Variants in WNT5A observed in about 807,000 individuals in gnomAD.
WNT5A encodes protein Wnt-5a.
Under a neutral mutation model 42.1 loss-of-function variants are expected in WNT5A, and 9 were observed. The ratio of observed to expected loss-of-function variants is 0.21; its 90% confidence interval spans 0.13 to 0.37. The LOEUF (loss-of-function observed/expected upper bound fraction) is 0.37, where lower values mean the gene tolerates loss of function less well. WNT5A is among the 10% of genes least tolerant of loss of function. WNT5A has a pLI of 1.00. For missense variants in WNT5A, 426 were observed against 534.0 expected, an observed-to-expected ratio of 0.80 and a Z score of 1.99; for synonymous variants, 210 against 210.0, an observed-to-expected ratio of 1.00 and a Z score of 0.00.
At chr3:55,496,519 C>T in the WNT5A span, among the ~76,000 whole-genome samples, 1 of 152,180 alleles carries the variant, frequency 6.6e-6, no homozygotes, top group African/African-American at 2.4e-5. Flanking sequence ...CCTATTCCGG[C>T]AGGTACATGT....
chr3:55,465,965 G>A lies in WNT5A; in HGVS notation c.*4127C>T, dbSNP rs886058732. Reference sequence around the variant, plus strand: ...ATTCTACATCCATTTTTTAAAGTTAGCTAACAAGATGATGTTTCACTAAAA... The same window carrying A: ...ATTCTACATCCATTTTTTAAAGTTAACTAACAAGATGATGTTTCACTAAAA... On this transcript the variant is annotated 3_prime_UTR_variant, in exon 5 of 5. Transcript: ENST00000264634. The A allele has an allele frequency of 3.3e-5, 5 of 151,578 alleles. No individual in the cohort carries two copies. The highest frequency in any genetic ancestry group is 7.4e-5 in the Non-Finnish European group (5 of 67,942). The allele number at this position is 151,578 out of a possible 1,614,324, so 9.4% of individuals were successfully genotyped here.
chr3:55,502,633 T>G, the WNT5A span, among the ~76,000 whole-genome samples: 6 of 152,236 alleles, frequency 3.9e-5, no homozygotes, highest in Admixed American at 3.9e-4. Flanking sequence ...GATATTTTCA[T>G]AGAACCCATT....
At chr3:55,498,096 C>T in the WNT5A span, among the ~76,000 whole-genome samples, 134 of 152,304 alleles carry the variant, frequency 8.8e-4, 2 homozygotes, top group South Asian at 0.027. Context: ...CTTCTTTCTA[C>T]TTGTTTTGTT....
At chr3:55,489,250 T>C (rs1227709407), upstream of WNT5A, 1 of 151,936 alleles carries the variant, frequency 6.6e-6, no homozygotes, top group Non-Finnish European at 1.5e-5. Flanking sequence ...TTTTCCGCCG[T>C]CTGCATTCTC....
intron 4 of WNT5A, 84 bp downstream of exon 4, chr3:55,474,253 G>A: frequency 4.5e-6 from 7 of 1,559,200 alleles, no homozygotes; most frequent in South Asian, 3.5e-5. Flanking sequence ...AGGAGAGGAC[G>A]GAGCTACAGG....
chr3:55,496,537 G>A, the WNT5A span, among the ~76,000 whole-genome samples: 1 of 152,202 alleles, frequency 6.6e-6, no homozygotes, highest in Admixed American at 6.5e-5. Flanking sequence ...TGTATCTACT[G>A]AGTATATACA....
chr3:55,471,346 C>A (rs1175853086), intron 4 of WNT5A, among the ~76,000 whole-genome samples: 1 of 152,138 alleles, frequency 6.6e-6, no homozygotes, highest in East Asian at 1.9e-4. Context: ...ACAGTCCCTA[C>A]CCCATCTACT....
chr3:55,480,896 G>T lies in WNT5A; in HGVS notation c.29C>A (p.Pro10Gln). 1.3e-6 allele frequency: 2 copies of T among 1,575,362 alleles called. No homozygotes were observed. Among genetic ancestry groups the T allele is most frequent in the Non-Finnish European group, 1.7e-6 (2 of 1,161,346 alleles). ...TCCAGCCATCCCCAAAGCAACTCCT[G>T]GGCTTAATATTCCAATGGACTTCTG... MKKSIGILS[P>Q]GVALGMAGSA... The change falls in exon 2 of 5, where the codon CCA (proline) becomes CAA (glutamine). Residue 10 changes from proline to glutamine, a missense_variant. Coordinates refer to ENST00000264634, the MANE Select transcript of WNT5A (RefSeq NM_003392.7).
At chr3:55,488,598 G>C (rs1559560965), upstream of WNT5A, among the ~76,000 whole-genome samples, 1 of 152,044 alleles carries the variant, frequency 6.6e-6, no homozygotes, top group East Asian at 1.9e-4. Context: ...TACGGGCTGG[G>C]GTGCCGGGAG....
chr3:55,478,457 A>G (rs963658070), intron 3 of WNT5A, among the ~76,000 whole-genome samples: 1 of 152,180 alleles, frequency 6.6e-6, no homozygotes, highest in Non-Finnish European at 1.5e-5. Context: ...GCTTTTTTGC[A>G]TAAAAGTAGA....
In WNT5A at chr3:55,474,613, GGCCGTCTCGCGGCT is replaced by G; in HGVS notation, c.394_407del (p.Ser132LeufsTer99). 1 of 1,436,102 alleles carries G rather than the reference GGCCGTCTCGCGGCT, an allele frequency of 7.0e-7. No homozygotes were observed. The highest frequency in any genetic ancestry group is 2.6e-5 in the East Asian group (1 of 38,308). The allele number at this position is 1,436,102 out of a possible 1,614,324, so 89.0% of individuals were successfully genotyped here. ...CTGCTGCGCTCACCGCGTATGTGAA[GGCCGTCTCGCGGCT>G]GCCTGTGGGTGAGGACAAGGGATCA... On this transcript the variant is annotated frameshift_variant and splice_region_variant, in exon 4 of 5. Transcript: ENST00000264634. LOFTEE classifies it high-confidence loss of function.
intron 4 of WNT5A, 103 bp from the exon 5 acceptor site, chr3:55,470,653 C>T (rs2051233291): frequency 1.8e-6 from 2 of 1,098,322 alleles, no homozygotes; most frequent in Admixed American, 2.9e-5. Flanking sequence ...GCTATGTTCC[C>T]CAGCTGAATT....
At chr3:55,494,276 G>A (rs1165115151), upstream of WNT5A, among the ~76,000 whole-genome samples, 1 of 152,082 alleles carries the variant, frequency 6.6e-6, no homozygotes, top group African/African-American at 2.4e-5. Context: ...AATTACTTTT[G>A]TTCTTAAACA....
chr3:55,500,043 T>C, the WNT5A span, among the ~76,000 whole-genome samples: 1 of 152,018 alleles, frequency 6.6e-6, no homozygotes, highest in Non-Finnish European at 1.5e-5. Context: ...TTCAGCAATT[T>C]ATCCCACAGT....
At chr3:55,470,587 TGGA>T in intron 4 of WNT5A, 37 bp from the exon 5 acceptor site, 1 of 1,463,674 alleles carries the variant, frequency 6.8e-7, no homozygotes, top group South Asian at 1.4e-5. Context: ...CACACATTCA[TGGA>T]GGAGCCAGAT....
chr3:55,493,389 G>A (rs1002897131), upstream of WNT5A, among the ~76,000 whole-genome samples: 2 of 152,132 alleles, frequency 1.3e-5, no homozygotes, highest in South Asian at 4.1e-4. Context: ...TCACTCCCTT[G>A]AAGTCACCTC....
At chr3:55,481,708 G>A (rs1002937963) in intron 1 of WNT5A, among the ~76,000 whole-genome samples, 2 of 152,018 alleles carry the variant, frequency 1.3e-5, no homozygotes, top group Non-Finnish European at 2.9e-5. Flanking sequence ...GAGAGAGGTC[G>A]GGTCTCCCAA....
In WNT5A at chr3:55,468,239, T is replaced by C. The variant is rs2051181592; in HGVS notation, c.*1853A>G. Reference sequence around the variant, plus strand: ...TTCTAATAGGCATGGGTTTCCATTCTGCAGAATGAACTAAGAAAAGAGAAA... The same window carrying C: ...TTCTAATAGGCATGGGTTTCCATTCCGCAGAATGAACTAAGAAAAGAGAAA... On this transcript the variant is annotated 3_prime_UTR_variant, in exon 5 of 5. Coordinates refer to ENST00000264634, the MANE Select transcript of WNT5A (RefSeq NM_003392.7). 1 of 152,092 alleles carries C rather than the reference T, an allele frequency of 6.6e-6. No homozygotes were observed. The highest frequency in any genetic ancestry group is 2.4e-5 in the African/African-American group (1 of 41,442). The allele number at this position is 152,092 out of a possible 1,614,324, so 9.4% of individuals were successfully genotyped here.
At chr3:55,480,363 A>AATTC (rs1395353252) in intron 2 of WNT5A, among the ~76,000 whole-genome samples, 1 of 152,238 alleles carries the variant, frequency 6.6e-6, no homozygotes, top group Non-Finnish European at 1.5e-5. Flanking sequence ...AACTCTGCCT[A>AATTC]ATTCAAACTC....
Sources: allele counts gnomAD v4.1 joint callset (sites outside exome capture counted in the v4.1 genomes callset), GRCh38; gene constraint gnomAD v4.1.1; transcripts MANE v1.5; gene names NCBI Gene and HGNC (gene_info 2026-07-23, HGNC 2026-07-21).